Variants in KIAA0232 observed in about 807,000 individuals in gnomAD.
The protein encoded by KIAA0232 is uncharacterized protein KIAA0232.
In KIAA0232, 27 loss-of-function variants were observed where a neutral mutation model predicts 122.0. That is an observed-to-expected ratio of 0.22 (90% CI 0.16 to 0.31). KIAA0232 has a LOEUF of 0.31. Among genes scored for constraint, KIAA0232 ranks in the 10% least tolerant of loss-of-function variants. The pLI, the probability that KIAA0232 is intolerant of heterozygous loss-of-function variation, is 1.00. For missense variants in KIAA0232, 1,551 were observed against 1,634.2 expected (o/e 0.95, Z 0.88); for synonymous variants, 613 against 587.6 (o/e 1.04, Z -0.63).
At position 6,880,929 on chromosome 4, in the gene KIAA0232, C is replaced by G; in HGVS notation, c.4151C>G (p.Pro1384Arg). ...GAAGGCGGAGGCGAGTGGGTGGGCC[C>G]TAGTGAAGAGGAGCTCTTTTCTCGA... is the stretch of plus-strand genomic sequence containing the variant. ...GSEGGGEWVG[P>R]SEEELFSRTH... is the part of the protein sequence containing the mutation. The change falls in exon 10 of 10, where the codon CCT (proline) becomes CGT (arginine). Residue 1384 changes from proline to arginine, a missense_variant. Pro to Arg is a moderately radical substitution (Grantham distance 103). Coordinates refer to ENST00000307659, the MANE Select transcript of KIAA0232 (RefSeq NM_014743.3). 2 of 1,587,740 alleles carry G rather than the reference C, an allele frequency of 1.3e-6. No individual in the cohort carries two copies. The highest frequency in any genetic ancestry group is 1.7e-6 in the Non-Finnish European group (2 of 1,165,980).
In KIAA0232 at chr4:6,792,980, T is replaced by G. The variant is rs532503384; in HGVS notation, c.-354+10139T>G. Among the ~76,000 whole-genome samples, 30 of 152,196 alleles carry G rather than the reference T, an allele frequency of 2.0e-4. 1 individual carries two copies. The highest frequency in any genetic ancestry group is 7.2e-4 in the African/African-American group (30 of 41,544). ...GGATTACAGGCATGAGCCACCGTGC[T>G]CGGCCATTCTTAGTTATTTTTGAAC... On this transcript the variant is annotated intron_variant, in intron 1 of 9. Transcript: ENST00000307659.
chr4:6,849,635 C>T (rs1310972698), intron 4 of KIAA0232, among the ~76,000 whole-genome samples: 5 of 151,970 alleles, frequency 3.3e-5, no homozygotes, highest in Non-Finnish European at 7.4e-5. Context: ...AAAAATTAGC[C>T]GGATGTGGTG....
chr4:6,849,156 G>A (rs909579182), intron 4 of KIAA0232, among the ~76,000 whole-genome samples: 4 of 152,232 alleles, frequency 2.6e-5, no homozygotes, highest in Non-Finnish European at 5.9e-5. Context: ...GAGGGACAGA[G>A]GGCAGATTGT....
intron 1 of KIAA0232, among the ~76,000 whole-genome samples, chr4:6,784,774 ATTATTC>A (rs1716541022): frequency 6.6e-6 from 1 of 152,172 alleles, no homozygotes; most frequent in South Asian, 2.1e-4. Flanking sequence ...AAGGGAGAAT[ATTATTC>A]TTATTTATTT....
At position 6,876,700 on chromosome 4, in the gene KIAA0232, A is replaced by C. The variant is rs564442644; in HGVS notation, c.3951A>C (p.Glu1317Asp). 11 of 1,613,496 alleles carry C rather than the reference A, an allele frequency of 6.8e-6. No homozygotes were observed. The highest frequency in any genetic ancestry group is 9.3e-6 in the Non-Finnish European group (11 of 1,179,404). ...CCAAGGGAGAGAGTGGTTTAGAAGAATATCCAGATGCTAAAGAGACACCCA... is the reference window on the plus strand; with the variant it reads ...CCAAGGGAGAGAGTGGTTTAGAAGACTATCCAGATGCTAAAGAGACACCCA... ...TNAKGESGLE[E>D]YPDAKETPSN... The change falls in exon 9 of 10, where the codon GAA becomes GAC. Residue 1317 changes from glutamate (E) to aspartate (D), a missense_variant. Transcript: ENST00000307659.
At chr4:6,786,958 G>A (rs931694848) in intron 1 of KIAA0232, among the ~76,000 whole-genome samples, 8 of 152,022 alleles carry the variant, frequency 5.3e-5, no homozygotes, top group Admixed American at 1.3e-4. Context: ...CGAGGCGGGC[G>A]GATCATGAGG....
chr4:6,841,753 G>A (rs774409364), intron 3 of KIAA0232, among the ~76,000 whole-genome samples: 26 of 152,126 alleles, frequency 1.7e-4, no homozygotes, highest in Non-Finnish European at 2.4e-4. Flanking sequence ...TGACAAAAGT[G>A]CAAGACTTGT....
intron 2 of KIAA0232, among the ~76,000 whole-genome samples, chr4:6,805,913 C>A (rs964138146): frequency 1.3e-5 from 2 of 151,808 alleles, no homozygotes; most frequent in African/African-American, 4.8e-5. Flanking sequence ...TGTTTCGTCC[C>A]TTTTCCAACA....
In KIAA0232 at chr4:6,855,405, T is replaced by A. The variant is rs536413058; in HGVS notation, c.370-1759T>A. Among the ~76,000 whole-genome samples the A allele has an allele frequency of 4.5e-3, 683 of 152,158 alleles. 1 individual carries two copies. Among genetic ancestry groups the A allele is most frequent in the Non-Finnish European group, 7.8e-3 (533 of 67,990 alleles). On this transcript the variant is annotated intron_variant, in intron 4 of 9. Transcript: ENST00000307659. The surrounding 1 kb of genome is among the most constrained non-coding windows in gnomAD (Gnocchi z 4.3). ...GCCCAGCTGATTTTTTAAAAAAATA[T>A]ATAAGATGCTACAGGTAGTCAAGAA...
chr4:6,878,547 G>A (rs1721880662), intron 9 of KIAA0232, among the ~76,000 whole-genome samples: 1 of 152,182 alleles, frequency 6.6e-6, no homozygotes, highest in Non-Finnish European at 1.5e-5. Context: ...GACAATTACA[G>A]TCCTGGTTTC....
chr4:6,821,678 A>G (rs546389193), intron 2 of KIAA0232, among the ~76,000 whole-genome samples: 1 of 95,080 alleles, frequency 1.1e-5, no homozygotes, highest in Non-Finnish European at 2.2e-5. Flanking sequence ...ACATATATAC[A>G]TGTATATATG....
chr4:6,786,796 G>A (rs1194546797), intron 1 of KIAA0232, among the ~76,000 whole-genome samples: 2 of 152,104 alleles, frequency 1.3e-5, no homozygotes, highest in Non-Finnish European at 2.9e-5. Context: ...AAACTTGTAG[G>A]GTCTAATGAA....
intron 1 of KIAA0232, among the ~76,000 whole-genome samples, chr4:6,789,344 G>A (rs1716780272): frequency 6.7e-6 from 1 of 149,448 alleles, no homozygotes; most frequent in African/African-American, 2.5e-5. Context: ...CGTGATCTTG[G>A]CTTACTGCAA....
chr4:6,844,758 G>A (rs1056709610), intron 4 of KIAA0232, among the ~76,000 whole-genome samples: 11 of 152,120 alleles, frequency 7.2e-5, no homozygotes, highest in Admixed American at 5.9e-4. Flanking sequence ...TCTTGAAATT[G>A]TTGCTTCATA....
intron 2 of KIAA0232, among the ~76,000 whole-genome samples, chr4:6,816,863 T>A (rs1182789962): frequency 6.6e-6 from 1 of 152,138 alleles, no homozygotes; most frequent in Non-Finnish European, 1.5e-5. Context: ...TTCATTTAAG[T>A]TATTGAATTT....
chr4:6,795,594 A>G (rs1270779830), intron 1 of KIAA0232, among the ~76,000 whole-genome samples: 3 of 152,112 alleles, frequency 2.0e-5, no homozygotes, highest in Non-Finnish European at 4.4e-5. Flanking sequence ...GCTACTAGAA[A>G]TATATTTATT....
chr4:6,876,268 A>G (rs1721750443), intron 8 of KIAA0232, among the ~76,000 whole-genome samples: 1 of 152,106 alleles, frequency 6.6e-6, no homozygotes, highest in Non-Finnish European at 1.5e-5. Context: ...GCTATGATGC[A>G]CCATCTGTCT....
intron 4 of KIAA0232, among the ~76,000 whole-genome samples, chr4:6,845,344 G>A (rs938037925): frequency 3.3e-5 from 5 of 152,092 alleles, no homozygotes; most frequent in African/African-American, 1.2e-4. Flanking sequence ...AAAATGGTGG[G>A]TTTTTTGGTT....
At chr4:6,833,920 C>T (rs149685041) in intron 3 of KIAA0232, among the ~76,000 whole-genome samples, 170 of 152,302 alleles carry the variant, frequency 1.1e-3, no homozygotes, top group African/African-American at 3.8e-3. Flanking sequence ...CTCCTGTTCT[C>T]TCTTTCCCTT....
Sources: allele counts gnomAD v4.1 joint callset (sites outside exome capture counted in the v4.1 genomes callset), GRCh38; gene constraint gnomAD v4.1.1; non-coding constraint Gnocchi (gnomAD v3.1); transcripts MANE v1.5; gene names NCBI Gene and HGNC (gene_info 2026-07-23, HGNC 2026-07-21).